PHACTR4: variants seen among roughly 807,000 people sequenced by gnomAD.
PHACTR4 encodes phosphatase and actin regulator 4, also known as protein phosphatase 1, regulatory subunit 124.
PHACTR4 carries 51 observed loss-of-function variants against 72.7 expected under a neutral mutation model. That is an observed-to-expected ratio of 0.70 (90% CI 0.56 to 0.89). PHACTR4 has a LOEUF of 0.89. Ranked by LOEUF, PHACTR4 falls within the 40% of genes least tolerant of loss-of-function variation. The pLI is 0.00. For synonymous variants in PHACTR4, 255 were observed against 302.5 expected (o/e 0.84, Z 1.63); for missense variants, 731 against 861.8 (o/e 0.85, Z 1.90).
chr1:28,408,293 C>G (rs968983927), intron 2 of PHACTR4, among the ~76,000 whole-genome samples: 2 of 151,532 alleles, frequency 1.3e-5, no homozygotes, highest in Non-Finnish European at 3.0e-5. Context: ...GGCGCAGTGG[C>G]TCATGCCTGT....
intron 1 of PHACTR4, among the ~76,000 whole-genome samples, chr1:28,393,963 T>C (rs1401130191): frequency 6.6e-6 from 1 of 152,134 alleles, no homozygotes; most frequent in Non-Finnish European, 1.5e-5. Context: ...TTTGCTCACC[T>C]TGGACTCCCA....
chr1:28,489,446 C>G (rs1439111263), intron 10 of PHACTR4, among the ~76,000 whole-genome samples: 1 of 152,120 alleles, frequency 6.6e-6, no homozygotes, highest in African/African-American at 2.4e-5. Context: ...CTCTAGAAAG[C>G]TTTGTTTCAG....
intron 1 of PHACTR4, among the ~76,000 whole-genome samples, chr1:28,401,001 T>G (rs923382603): frequency 1.3e-5 from 2 of 152,114 alleles, no homozygotes; most frequent in African/African-American, 2.4e-5. Context: ...GGAGTTCTGG[T>G]TTTTTCATCC....
chr1:28,443,624 T>C (rs1657212307), intron 2 of PHACTR4, among the ~76,000 whole-genome samples: 1 of 151,872 alleles, frequency 6.6e-6, no homozygotes, highest in Non-Finnish European at 1.5e-5. Flanking sequence ...GTTTTTTTTA[T>C]TTTTTGACGA....
chr1:28,412,817 A>C (rs753137864), intron 2 of PHACTR4, among the ~76,000 whole-genome samples: 1 of 152,172 alleles, frequency 6.6e-6, no homozygotes, highest in Non-Finnish European at 1.5e-5. Context: ...GTCATGAGTA[A>C]AGTTAAGATT....
intron 2 of PHACTR4, among the ~76,000 whole-genome samples, chr1:28,417,958 A>AT: frequency 6.6e-6 from 1 of 151,760 alleles, no homozygotes; most frequent in East Asian, 1.9e-4. Flanking sequence ...CAAAAAAAAA[A>AT]AAAAAAAAGA....
intron 1 of PHACTR4, among the ~76,000 whole-genome samples, chr1:28,396,225 G>T (rs1653489947): frequency 6.6e-6 from 1 of 151,844 alleles, no homozygotes; most frequent in Non-Finnish European, 1.5e-5. Context: ...AGGGTAAATT[G>T]GTGACAGATA....
intron 2 of PHACTR4, among the ~76,000 whole-genome samples, chr1:28,429,981 C>G (rs1028553329): frequency 3.3e-5 from 5 of 151,536 alleles, no homozygotes; most frequent in Non-Finnish European, 7.4e-5. Context: ...ATGCTTGTAC[C>G]TATTTCTCAC....
chr1:28,386,273 T>C (rs552556931), intron 1 of PHACTR4, among the ~76,000 whole-genome samples: 68 of 152,132 alleles, frequency 4.5e-4, no homozygotes, highest in Non-Finnish European at 4.6e-4. Context: ...TTTGGACTTT[T>C]AGTAGAGACA....
chr1:28,454,963 C>A (rs1240550946), intron 2 of PHACTR4, among the ~76,000 whole-genome samples: 1 of 151,920 alleles, frequency 6.6e-6, no homozygotes, highest in Non-Finnish European at 1.5e-5. Flanking sequence ...GCATTCAAGC[C>A]ATTCTCCTGC....
At chr1:28,462,003 G>A (rs903647633) in intron 4 of PHACTR4, among the ~76,000 whole-genome samples, 5 of 149,580 alleles carry the variant, frequency 3.3e-5, no homozygotes, top group African/African-American at 1.3e-4. Flanking sequence ...CACCTCTTTG[G>A]CCCTTGCTTT....
intron 1 of PHACTR4, among the ~76,000 whole-genome samples, chr1:28,396,462 C>T (rs750422167): frequency 3.3e-5 from 5 of 150,870 alleles, no homozygotes; most frequent in African/African-American, 1.2e-4. Context: ...ACCTGGGAGG[C>T]GGAGGTTGCA....
In PHACTR4 at chr1:28,473,568, G is replaced by T. The variant is rs761727820; in HGVS notation, c.838G>T (p.Ala280Ser). The change falls in exon 7 of 14, where the codon GCA becomes TCA. Residue 280 changes from alanine to serine, a missense_variant. Coordinates refer to ENST00000373839, the MANE Select transcript of PHACTR4 (RefSeq NM_001048183.3). ...SNPVIAELSQAINSGTLLSKP... is the reference protein window; with the variant it reads ...SNPVIAELSQSINSGTLLSKP... ...CTCTTTTCCAGCTGAACTGTCCCAA[G>T]CAATAAACAGTGGTACATTGTTATC... 5.6e-6 allele frequency: 9 copies of T among 1,609,056 alleles called. No individual in the cohort carries two copies. The Admixed American group carries it at 1.5e-4, about 27-fold the overall frequency.
chr1:28,484,528 GTGTGTATGTGTATATATA>G (rs1660501703), intron 9 of PHACTR4, among the ~76,000 whole-genome samples: 1 of 151,334 alleles, frequency 6.6e-6, no homozygotes, highest in African/African-American at 2.4e-5. Context: ...GTGTATATAT[GTGTGTATGTGTATATATA>G]TGTGTGTATG....
chr1:28,452,581 G>A (rs1206623254), intron 2 of PHACTR4, among the ~76,000 whole-genome samples: 1 of 152,056 alleles, frequency 6.6e-6, no homozygotes, highest in African/African-American at 2.4e-5. Flanking sequence ...AAGGTGGGTA[G>A]ATCACTTTAG....
chr1:28,446,246 A>G (rs61783857), intron 2 of PHACTR4, among the ~76,000 whole-genome samples: 39,621 of 152,070 alleles, frequency 0.26, 5,298 homozygotes, highest in Middle Eastern at 0.34. Flanking sequence ...TCTGTTATCA[A>G]ATTTGGACTA....
At chr1:28,410,050 T>G (rs1654670097) in intron 2 of PHACTR4, among the ~76,000 whole-genome samples, 1 of 106,538 alleles carries the variant, frequency 9.4e-6, no homozygotes, top group Non-Finnish European at 2.0e-5. Context: ...CGCTGCAATC[T>G]CCGCCTCCCG....
At chr1:28,433,150 G>A (rs1479981991) in intron 2 of PHACTR4, 2 of 917,146 alleles carry the variant, frequency 2.2e-6, no homozygotes, top group East Asian at 2.4e-4. Context: ...ACTCTAAAAA[G>A]GGAGTATCTT....
At chr1:28,387,545 G>A (rs1288896128) in intron 1 of PHACTR4, among the ~76,000 whole-genome samples, 1 of 151,824 alleles carries the variant, frequency 6.6e-6, no homozygotes, top group Non-Finnish European at 1.5e-5. Flanking sequence ...TTTATTTCAG[G>A]GTGAGCATTA....
Sources: allele counts gnomAD v4.1 joint callset (sites outside exome capture counted in the v4.1 genomes callset), GRCh38; gene constraint gnomAD v4.1.1; transcripts MANE v1.5; gene names NCBI Gene and HGNC (gene_info 2026-07-23, HGNC 2026-07-21).